Variants in RBMS3 observed in about 807,000 individuals in gnomAD.
RBMS3 encodes RNA-binding motif, single-stranded-interacting protein 3.
Under a neutral mutation model 66.8 loss-of-function variants are expected in RBMS3, and 27 were observed. The observed-to-expected ratio is 0.40, with a 90% CI of 0.30 to 0.56. The LOEUF (loss-of-function observed/expected upper bound fraction) is 0.56, where lower values mean the gene tolerates loss of function less well. RBMS3 is among the 20% of genes least tolerant of loss of function. The pLI is 0.40. For missense variants in RBMS3, 513 were observed against 549.5 expected (o/e 0.93, Z 0.66); for synonymous variants, 188 against 183.0 (o/e 1.03, Z -0.22).
At chr3:29,966,618 A>T (rs1696864611) in intron 12 of RBMS3, among the ~76,000 whole-genome samples, 1 of 152,186 alleles carries the variant, frequency 6.6e-6, no homozygotes, top group Non-Finnish European at 1.5e-5. Context: ...TTTTCAAGGT[A>T]AATAATCATA....
intron 6 of RBMS3, among the ~76,000 whole-genome samples, chr3:29,838,642 GGA>G (rs2058588487): frequency 6.6e-6 from 1 of 152,084 alleles, no homozygotes; most frequent in South Asian, 2.1e-4. Context: ...ATTTAACGCT[GGA>G]GGGTTTTAAG....
chr3:29,547,777 C>T (rs1020716928), intron 3 of RBMS3, among the ~76,000 whole-genome samples: 12 of 148,562 alleles, frequency 8.1e-5, no homozygotes, highest in Middle Eastern at 3.5e-3. Flanking sequence ...ATACTAAATT[C>T]AGTTGATTGA....
intron 4 of RBMS3, among the ~76,000 whole-genome samples, chr3:29,652,227 T>G (rs2050169933): frequency 6.6e-6 from 1 of 152,166 alleles, no homozygotes; most frequent in African/African-American, 2.4e-5. Context: ...TCCTCAACGG[T>G]AATTTCAATT....
intron 1 of RBMS3, among the ~76,000 whole-genome samples, chr3:29,313,081 T>C (rs2034475780): frequency 6.6e-6 from 1 of 151,796 alleles, no homozygotes; most frequent in Non-Finnish European, 1.5e-5. Context: ...CATCTGTGGA[T>C]CATATAATGA....
At chr3:29,370,274 G>A (rs747301284) in intron 1 of RBMS3, among the ~76,000 whole-genome samples, 8 of 152,134 alleles carry the variant, frequency 5.3e-5, no homozygotes, top group Non-Finnish European at 1.0e-4. Context: ...GAACCTGTTT[G>A]AGATATAGTC....
chr3:29,935,485 T>C (rs1300178053), intron 10 of RBMS3, among the ~76,000 whole-genome samples: 1 of 152,032 alleles, frequency 6.6e-6, no homozygotes, highest in East Asian at 1.9e-4. Context: ...AAAATATAGA[T>C]AGATAGAAAA....
intron 4 of RBMS3, among the ~76,000 whole-genome samples, chr3:29,625,516 A>G (rs1269582469): frequency 6.6e-6 from 1 of 151,988 alleles, no homozygotes; most frequent in Non-Finnish European, 1.5e-5. Flanking sequence ...CAAAGTGGTG[A>G]AACTCCATCT....
intron 12 of RBMS3, among the ~76,000 whole-genome samples, chr3:29,975,614 A>C (rs1697532620): frequency 6.6e-6 from 1 of 151,954 alleles, no homozygotes; most frequent in Admixed American, 6.6e-5. Context: ...GAGATCATTG[A>C]ATATTCACAT....
intron 3 of RBMS3, among the ~76,000 whole-genome samples, chr3:29,530,428 A>G (rs909031155): frequency 1.3e-5 from 2 of 152,214 alleles, no homozygotes; most frequent in African/African-American, 2.4e-5. Context: ...AAAAAATACA[A>G]TTTGTAAAAT....
chr3:29,520,351 C>G (rs561441282), intron 3 of RBMS3, among the ~76,000 whole-genome samples: 2 of 152,148 alleles, frequency 1.3e-5, no homozygotes, highest in South Asian at 4.2e-4. Flanking sequence ...TTTACCTGTT[C>G]CTTTTACTTT....
intron 10 of RBMS3, chr3:29,924,904 CAA>C (rs1202229326): frequency 2.0e-5 from 3 of 151,174 alleles, no homozygotes; most frequent in Non-Finnish European, 4.4e-5. Context: ...GATGTTCTGA[CAA>C]GACTTGACTC....
At chr3:29,849,331 T>C (rs1405698890) in intron 6 of RBMS3, among the ~76,000 whole-genome samples, 2 of 151,808 alleles carry the variant, frequency 1.3e-5, no homozygotes, top group Non-Finnish European at 2.9e-5. Flanking sequence ...CTGGCCAAAA[T>C]GGTGAAACCC....
chr3:29,823,206 T>C (rs1023270207), intron 6 of RBMS3, among the ~76,000 whole-genome samples: 1 of 152,090 alleles, frequency 6.6e-6, no homozygotes, highest in Non-Finnish European at 1.5e-5. Context: ...CCCCACCCAA[T>C]GACCTCTTCA....
intron 12 of RBMS3, among the ~76,000 whole-genome samples, chr3:29,964,193 C>T (rs1414366012): frequency 6.6e-6 from 1 of 152,140 alleles, no homozygotes; most frequent in African/African-American, 2.4e-5. Flanking sequence ...TAACATAAGA[C>T]TTCAGAAATT....
At chr3:29,433,843 C>T (rs1039773654) in intron 1 of RBMS3, among the ~76,000 whole-genome samples, 5 of 152,028 alleles carry the variant, frequency 3.3e-5, no homozygotes, top group Non-Finnish European at 5.9e-5. Flanking sequence ...TTAATTTTGC[C>T]ATATAATAAT....
Position 29,288,083 on chromosome 3 carries a change from G to T in RBMS3, c.75+6327G>T, listed in dbSNP as rs111442815. On this transcript the variant is annotated intron_variant, in intron 1 of 14. Coordinates refer to ENST00000383767, the MANE Select transcript of RBMS3 (RefSeq NM_001003793.3). Reference sequence around the variant, plus strand: ...ATAAATATCAAATTTCAAAAGTAAGGATAATAAAAGAAAGATAATAGATCC... The same window carrying T: ...ATAAATATCAAATTTCAAAAGTAAGTATAATAAAAGAAAGATAATAGATCC... 4.8e-3 allele frequency among the ~76,000 whole-genome samples: 731 copies of T among 152,002 alleles called. 10 individuals are homozygous for T. The highest frequency in any genetic ancestry group is 0.016 in the African/African-American group (682 of 41,502).
intron 1 of RBMS3, among the ~76,000 whole-genome samples, chr3:29,292,771 G>C (rs780029807): frequency 1.3e-5 from 2 of 151,826 alleles, no homozygotes; most frequent in African/African-American, 2.4e-5. Flanking sequence ...ATGAACTAAA[G>C]AGAAAGATTA....
chr3:29,677,757 G>A (rs1425814094), intron 4 of RBMS3, among the ~76,000 whole-genome samples: 1 of 151,944 alleles, frequency 6.6e-6, no homozygotes, highest in African/African-American at 2.4e-5. Flanking sequence ...AGGCAGTCTA[G>A]GACTATTTTC....
At chr3:29,312,660 C>G (rs2034449337) in intron 1 of RBMS3, among the ~76,000 whole-genome samples, 1 of 151,230 alleles carries the variant, frequency 6.6e-6, no homozygotes, top group Non-Finnish European at 1.5e-5. Flanking sequence ...CTTTGTCACT[C>G]TCTCTCCTTT....
Sources: gnomAD v4.1 joint callset for allele counts (sites outside exome capture counted in the v4.1 genomes callset) on GRCh38, gnomAD v4.1.1 for gene constraint, MANE v1.5 for transcripts, NCBI Gene and HGNC (gene_info 2026-07-23, HGNC 2026-07-21) for gene names.